FAM163B: variants seen among roughly 807,000 people sequenced by gnomAD.
FAM163B encodes family with sequence similarity 163 member B, also known as protein FAM163B.
A neutral mutation model predicts 7.6 loss-of-function variants in FAM163B; 4 were observed. The ratio of observed to expected loss-of-function variants is 0.52; its 90% CI spans 0.26 to 1.20. FAM163B has a LOEUF of 1.20. Among genes scored for constraint, FAM163B ranks in the 50% most tolerant of loss-of-function variants. FAM163B has a pLI of 0.14. For missense variants in FAM163B, 250 were observed against 243.0 expected (o/e 1.03, Z -0.19); for synonymous variants, 120 against 111.6 (o/e 1.07, Z -0.47).
At chr9:133,590,856 G>A (rs368205146) in intron 1 of FAM163B, among the ~76,000 whole-genome samples, 25 of 152,332 alleles carry the variant, frequency 1.6e-4, no homozygotes, top group South Asian at 4.1e-4. Flanking sequence ...CAGCATTCTC[G>A]GTCAGGACAT....
chr9:133,580,021 C>G, intron 2 of FAM163B, 110 bp downstream of exon 2: 1 of 881,950 alleles, frequency 1.1e-6, no homozygotes, highest in South Asian at 1.5e-5. Context: ...AGGGCTCTTC[C>G]CCACTTCCCG....
Position 133,581,546 on chromosome 9 carries a change from C to CT in FAM163B, c.-23-1301dup, listed in dbSNP as rs1464826464. On this transcript the variant is annotated intron_variant, in intron 1 of 2. Transcript: ENST00000673969. ...CTTTCTCCTGTCGTCTCTGAAATGC[C>CT]TTTTTTACGGTTGGTTAGTTCAAAT... Among the ~76,000 whole-genome samples the CT allele has an allele frequency of 7.2e-5, 11 of 152,220 alleles. No homozygotes were observed. In the East Asian group the frequency reaches 1.9e-3, roughly 27 times the overall value.
At chr9:133,597,835 C>A (rs188638774) in intron 1 of FAM163B, among the ~76,000 whole-genome samples, 1 of 151,724 alleles carries the variant, frequency 6.6e-6, no homozygotes, top group African/African-American at 2.4e-5. Flanking sequence ...TGGTGCCTTT[C>A]GAGTGCTAAA....
chr9:133,579,408 C>G lies in FAM163B; in HGVS notation c.115G>C (p.Glu39Gln). The G allele has an allele frequency of 6.2e-7, 1 of 1,605,500 alleles. No individual in the cohort carries two copies. The highest frequency in any genetic ancestry group is 8.5e-7 in the Non-Finnish European group (1 of 1,176,774). ...GGTTCCTCCTCGTCCTCCTCCGACT[C>G]GTCCTTCTTGCAGCAGTAGTACTGC... ...RLQYYCCKKD[E>Q]SEEDEEEPDF... Residue 39 changes from glutamate to glutamine, a missense_variant, in exon 3 of 3, where the codon GAG (glutamate) becomes CAG (glutamine). By Grantham distance (29) the Glu-to-Gln change is conservative. Transcript: ENST00000673969.
intron 1 of FAM163B, among the ~76,000 whole-genome samples, chr9:133,590,741 C>T (rs1190251258): frequency 6.6e-6 from 1 of 152,204 alleles, no homozygotes; most frequent in Non-Finnish European, 1.5e-5. Context: ...CCCCAGACCC[C>T]AGCCAGCAGC....
At chr9:133,595,964 G>C (rs1831626205) in intron 1 of FAM163B, among the ~76,000 whole-genome samples, 1 of 152,152 alleles carries the variant, frequency 6.6e-6, no homozygotes, top group African/African-American at 2.4e-5. Context: ...TCAGGGCAAG[G>C]GTCAGAAGGG....
rs1019544529 is a variant in FAM163B, at chr9:133,606,132, GCA to G, written c.-24+2943_-24+2944del. Reference sequence around the variant, plus strand: ...TGATGAGGCCCGAGGGAAGGAGGAGGCACAGTCTCCATTTTCCAGCCCAAGAC... The same window carrying G: ...TGATGAGGCCCGAGGGAAGGAGGAGGCAGTCTCCATTTTCCAGCCCAAGAC... On this transcript the variant is annotated intron_variant, in intron 1 of 2. Transcript: ENST00000673969. This position sits in a 1 kb window ranked among gnomAD's most constrained non-coding sequence, Gnocchi z 4.0. 3.9e-5 allele frequency among the ~76,000 whole-genome samples: 6 copies of G among 152,168 alleles called. No homozygotes were observed. Among genetic ancestry groups the G allele is most frequent in the Non-Finnish European group, 7.3e-5 (5 of 68,028 alleles).
At chr9:133,592,963 C>T (rs1196876588) in intron 1 of FAM163B, among the ~76,000 whole-genome samples, 3 of 152,214 alleles carry the variant, frequency 2.0e-5, no homozygotes, top group Non-Finnish European at 4.4e-5. Context: ...GCTCACGAAC[C>T]AATACTTGCA....
At chr9:133,607,975 A>G (rs143696496) in intron 1 of FAM163B, among the ~76,000 whole-genome samples, 235 of 152,264 alleles carry the variant, frequency 1.5e-3, no homozygotes, top group Non-Finnish European at 2.8e-3. Context: ...TCTCAATTCT[A>G]TAAGAGGGAG....
intron 1 of FAM163B, among the ~76,000 whole-genome samples, chr9:133,597,137 T>C (rs1831643810): frequency 6.6e-6 from 1 of 152,138 alleles, no homozygotes; most frequent in African/African-American, 2.4e-5. Flanking sequence ...CAAACCACAG[T>C]GAACAGAAAA....
At chr9:133,608,174 C>T (rs369441137) in intron 1 of FAM163B, among the ~76,000 whole-genome samples, 3 of 152,172 alleles carry the variant, frequency 2.0e-5, no homozygotes, top group Non-Finnish European at 2.9e-5. Context: ...GGTGCTAGGA[C>T]GAATGCTGGG....
In FAM163B at chr9:133,600,790, G is replaced by A. The variant is rs1476625162; in HGVS notation, c.-24+8287C>T. Among the ~76,000 whole-genome samples the A allele has an allele frequency of 6.6e-6, 1 of 152,150 alleles. No individual in the cohort carries two copies. The highest frequency in any genetic ancestry group is 1.5e-5 in the Non-Finnish European group (1 of 68,034). On this transcript the variant is annotated intron_variant, in intron 1 of 2. Transcript: ENST00000673969. The surrounding 1 kb of genome is among the most constrained non-coding windows in gnomAD (Gnocchi z 4.9). ...GACTCCTTTCCTCTTCGATTCGGAA[G>A]GGACTTTGGAAGATAACTAGTGTAA...
chr9:133,597,654 G>A (rs1356314463), intron 1 of FAM163B, among the ~76,000 whole-genome samples: 1 of 151,974 alleles, frequency 6.6e-6, no homozygotes, highest in Non-Finnish European at 1.5e-5. Context: ...ACAAACACAA[G>A]AAACAAGAAG....
rs2131260160 is a variant in FAM163B, at chr9:133,600,595, G to A, written c.-24+8482C>T. ...GATGGGGTCTGCAGTGGGATGGGGTGGGAGCAGGGGTAAAACCAGAGGGTA... is the reference window on the plus strand; with the variant it reads ...GATGGGGTCTGCAGTGGGATGGGGTAGGAGCAGGGGTAAAACCAGAGGGTA... On this transcript the variant is annotated intron_variant, in intron 1 of 2. Transcript: ENST00000673969. The surrounding 1 kb of genome is among the most constrained non-coding windows in gnomAD (Gnocchi z 4.9). Among the ~76,000 whole-genome samples, 1 of 152,250 alleles carries A rather than the reference G, an allele frequency of 6.6e-6. No individual in the cohort carries two copies.
At chr9:133,585,570 A>G (rs1191761001) in intron 1 of FAM163B, among the ~76,000 whole-genome samples, 1 of 152,366 alleles carries the variant, frequency 6.6e-6, no homozygotes, top group South Asian at 2.1e-4. Flanking sequence ...CGCTCGTGGT[A>G]GGAGCCAGGG....
chr9:133,590,143 C>T (rs1315225027), intron 1 of FAM163B, among the ~76,000 whole-genome samples: 1 of 87,118 alleles, frequency 1.1e-5, no homozygotes, highest in Admixed American at 1.2e-4. Context: ...CCCTCCCCTT[C>T]CCCTCCCCTT....
At chr9:133,592,722 G>A (rs375319784) in intron 1 of FAM163B, among the ~76,000 whole-genome samples, 20 of 152,276 alleles carry the variant, frequency 1.3e-4, no homozygotes, top group East Asian at 7.7e-4. Flanking sequence ...AGCACCATCA[G>A]CATCAACTGG....
At position 133,606,115 on chromosome 9, in the gene FAM163B, C is replaced by A. The variant is rs1213395057; in HGVS notation, c.-24+2962G>T. Among the ~76,000 whole-genome samples the A allele has an allele frequency of 6.6e-6, 1 of 152,158 alleles. No homozygotes were observed. Among genetic ancestry groups the A allele is most frequent in the Non-Finnish European group, 1.5e-5 (1 of 68,030 alleles). ...CCAGCCTCCTCCTTCACTGATGAGG[C>A]CCGAGGGAAGGAGGAGGCACAGTCT... On this transcript the variant is annotated intron_variant, in intron 1 of 2. Coordinates refer to ENST00000673969, the MANE Select transcript of FAM163B (RefSeq NM_001080515.3). This position sits in a 1 kb window ranked among gnomAD's most constrained non-coding sequence, Gnocchi z 4.0.
At chr9:133,588,548 A>G (rs1242319434) in intron 1 of FAM163B, among the ~76,000 whole-genome samples, 5 of 7,116 alleles carry the variant, frequency 7.0e-4, no homozygotes, top group Non-Finnish European at 1.9e-3. Flanking sequence ...AATGGTACAG[A>G]AGGATCTAGC....
Sources: allele counts gnomAD v4.1 joint callset (sites outside exome capture counted in the v4.1 genomes callset), GRCh38; gene constraint gnomAD v4.1.1; non-coding constraint Gnocchi (gnomAD v3.1); transcripts MANE v1.5; gene names NCBI Gene and HGNC (gene_info 2026-07-23, HGNC 2026-07-21).